PIH1D2: variants seen among roughly 807,000 people sequenced by gnomAD.
The protein encoded by PIH1D2 is PIH1 domain-containing protein 2.
A neutral mutation model predicts 31.2 loss-of-function variants in PIH1D2; 25 were observed. The observed-to-expected ratio is 0.80, with a 90% CI of 0.58 to 1.12. The LOEUF (loss-of-function observed/expected upper bound fraction) is 1.12. PIH1D2 is among the 50% of genes most tolerant of loss of function. PIH1D2 has a pLI of 0.00. For missense variants in PIH1D2, 310 were observed against 356.6 expected (o/e 0.87, Z 1.05); for synonymous variants, 116 against 119.9 (o/e 0.97, Z 0.21).
At chr11:112,064,160 T>G, downstream of PIH1D2, 1 of 1,561,400 alleles carries the variant, frequency 6.4e-7, no homozygotes, top group Non-Finnish European at 8.7e-7. Flanking sequence ...CAAATCTGGT[T>G]CAAACATTCA....
intron 5 of PIH1D2, among the ~76,000 whole-genome samples, chr11:112,068,994 TTTTG>T (rs1865025560): frequency 1.4e-5 from 2 of 146,508 alleles, no homozygotes; most frequent in African/African-American, 2.6e-5. Context: ...TTTTTTTTTT[TTTTG>T]TTTTTTTTTT....
At position 112,071,324 on chromosome 11, in the gene PIH1D2, G is replaced by A. The variant is rs1865103245; in HGVS notation, c.302-41C>T. The A allele has an allele frequency of 1.9e-6, 3 of 1,571,846 alleles. No individual in the cohort carries two copies. The East Asian group carries it at 6.7e-5, about 35-fold the overall frequency. On this transcript the variant is annotated intron_variant, in intron 3 of 5. Transcript: ENST00000280350. ...AAAGGGTATGAAATGAAGAAAAATT[G>A]TTGCACTAATGATACTGTCAGGCAA... is the stretch of plus-strand genomic sequence containing the variant.
At chr11:112,067,593 C>T (rs71478716), downstream of PIH1D2, among the ~76,000 whole-genome samples, 51 of 136,092 alleles carry the variant, frequency 3.7e-4, no homozygotes, top group Non-Finnish European at 5.7e-4. Flanking sequence ...GCCCATGAGG[C>T]GGAGGTTGCA....
intron 5 of PIH1D2, chr11:112,069,606 G>A (rs1555184282): frequency 6.6e-6 from 1 of 152,048 alleles, no homozygotes; most frequent in African/African-American, 2.4e-5. Flanking sequence ...GGTGGATAGT[G>A]GGAAAGGGAA....
At chr11:112,057,119 C>G in the PIH1D2 span, among the ~76,000 whole-genome samples, 1 of 152,090 alleles carries the variant, frequency 6.6e-6, no homozygotes, top group African/African-American at 2.4e-5. Flanking sequence ...CCCCATGAAC[C>G]ATGCCCATAT....
At chr11:112,061,320 A>G (rs1555183267), downstream of PIH1D2, 3 of 784,642 alleles carry the variant, frequency 3.8e-6, no homozygotes, top group Non-Finnish European at 6.5e-6. Context: ...ATATGATGTA[A>G]TATTTGCATA....
chr11:112,064,000 T>C, downstream of PIH1D2: 3 of 598,634 alleles, frequency 5.0e-6, no homozygotes, highest in South Asian at 2.5e-5. Flanking sequence ...GGTACACAAG[T>C]GACACTCCAT....
Position 112,071,642 on chromosome 11 carries a change from CT to C in PIH1D2, c.293del (p.Glu98GlyfsTer26). On this transcript the variant is annotated frameshift_variant, in exon 3 of 6. Transcript: ENST00000280350. LOFTEE classifies it high-confidence loss of function. ...LTVGKPEDTT[E>X]ISDAYTVIDV... is the part of the protein sequence containing the mutation. ...TCTCTCAATTATTTGTACCTGATAT[CT>C]CAGTTGTATCTTCTGGTTTGCCAAC... 1 of 1,613,496 alleles carries C rather than the reference CT, an allele frequency of 6.2e-7. No homozygotes were observed. The highest frequency in any genetic ancestry group is 8.5e-7 in the Non-Finnish European group (1 of 1,179,484).
downstream of PIH1D2, among the ~76,000 whole-genome samples, chr11:112,059,635 C>T (rs143592930): frequency 5.9e-5 from 9 of 152,272 alleles, no homozygotes; most frequent in East Asian, 1.9e-4. Context: ...TCAAGTGATC[C>T]GCCCACCTCA....
intron 5 of PIH1D2, chr11:112,070,090 G>A (rs1253661457): frequency 3.9e-5 from 17 of 436,542 alleles, no homozygotes; most frequent in Admixed American, 3.0e-4. Flanking sequence ...AGGATAGTAC[G>A]TTTACCCTGC....
At chr11:112,066,078 G>C (rs1267291985), downstream of PIH1D2, among the ~76,000 whole-genome samples, 1 of 152,078 alleles carries the variant, frequency 6.6e-6, no homozygotes, top group Non-Finnish European at 1.5e-5. Context: ...TAGTTAAAAA[G>C]TTTTAAAAGT....
chr11:112,068,522 C>T (rs782165552), intron 5 of PIH1D2, among the ~76,000 whole-genome samples: 2 of 152,288 alleles, frequency 1.3e-5, no homozygotes, highest in Non-Finnish European at 2.9e-5. Flanking sequence ...GTGGCTCACA[C>T]CTGTAATCCC....
the PIH1D2 span, among the ~76,000 whole-genome samples, chr11:112,054,178 T>C: frequency 1.3e-5 from 2 of 150,348 alleles, no homozygotes; most frequent in Admixed American, 6.6e-5. Context: ...TAGCTAGGTA[T>C]GGTGGTGCGC....
At chr11:112,063,598 G>A (rs1460401429), downstream of PIH1D2, 1 of 152,402 alleles carries the variant, frequency 6.6e-6, no homozygotes, top group African/African-American at 2.4e-5. Context: ...AAGTAAAAAA[G>A]TTAAATGTGT....
At chr11:112,053,546 G>A in the PIH1D2 span, among the ~76,000 whole-genome samples, 2 of 151,794 alleles carry the variant, frequency 1.3e-5, no homozygotes, top group Admixed American at 1.3e-4. Context: ...TCCGCCTCCC[G>A]AGTTCAAGCA....
chr11:112,062,606 A>G, downstream of PIH1D2: 1 of 1,530,328 alleles, frequency 6.5e-7, no homozygotes, highest in Non-Finnish European at 9.0e-7. Context: ...ATATGTTATT[A>G]AACAGGTGGT....
downstream of PIH1D2, chr11:112,062,306 C>T: frequency 4.0e-6 from 5 of 1,261,504 alleles, no homozygotes; most frequent in South Asian, 5.0e-5. Flanking sequence ...GAAGTATTAC[C>T]TGGTTGGGAT....
At chr11:112,059,065 A>G (rs1387221516), downstream of PIH1D2, among the ~76,000 whole-genome samples, 1 of 151,724 alleles carries the variant, frequency 6.6e-6, no homozygotes, top group African/African-American at 2.4e-5. Context: ...AAAAAAAAAA[A>G]GATTGGGACC....
chr11:112,063,353 G>A (rs1237219115), downstream of PIH1D2: 1 of 152,430 alleles, frequency 6.6e-6, no homozygotes, highest in African/African-American at 2.4e-5. Context: ...TTAACTGGTA[G>A]TTCATTGTAA....
Sources: allele counts gnomAD v4.1 joint callset (sites outside exome capture counted in the v4.1 genomes callset), GRCh38; gene constraint gnomAD v4.1.1; transcripts MANE v1.5; gene names NCBI Gene and HGNC (gene_info 2026-07-23, HGNC 2026-07-21).